Variants in TMOD4 observed in about 807,000 individuals in gnomAD.
The protein encoded by TMOD4 is tropomodulin-4.
In TMOD4, 34 loss-of-function variants were observed where a neutral mutation model predicts 45.4. The ratio of observed to expected loss-of-function variants is 0.75; its 90% CI spans 0.57 to 1.00. TMOD4 has a LOEUF of 1.00. Ranked by LOEUF, TMOD4 falls within the 50% of genes least tolerant of loss-of-function variation. TMOD4 has a pLI of 0.00. For missense variants in TMOD4, 399 were observed against 437.5 expected, an observed-to-expected ratio of 0.91 and a Z score of 0.78; for synonymous variants, 131 against 153.9, an observed-to-expected ratio of 0.85 and a Z score of 1.10.
In TMOD4 at chr1:151,174,503, CTTT is replaced by C; in HGVS notation, c.165_167del (p.Lys57del). ...GGTCCAGTGGCCCCGTTGGGCTCTTCTTTGTCTGGTCACGTTGTCTTAGTCCAG... is the reference window on the plus strand; with the variant it reads ...GGTCCAGTGGCCCCGTTGGGCTCTTCGTCTGGTCACGTTGTCTTAGTCCAG... On this transcript the variant is annotated inframe_deletion, in exon 3 of 10. Transcript: ENST00000295314. The C allele has an allele frequency of 6.2e-7, 1 of 1,614,214 alleles. No individual in the cohort carries two copies. The highest frequency in any genetic ancestry group is 2.2e-5 in the East Asian group (1 of 44,878).
chr1:151,174,458 G>C lies in TMOD4; in HGVS notation c.213C>G (p.Tyr71Ter). 1 of 1,614,184 alleles carries C rather than the reference G, an allele frequency of 6.2e-7. No individual in the cohort carries two copies. Among genetic ancestry groups the C allele is most frequent in the South Asian group, 1.1e-5 (1 of 91,082 alleles). ...GPLDREALLQ[Y>*]LEQQALEVKE... is the part of the protein sequence containing the mutation. The stretch of plus-strand genomic sequence containing the variant: ...TGACTTCTAGTGCCTGTTGCTCCAA[G>C]TACTGCAAAAGGGCCTCTCGGTCCA... The change falls in exon 3 of 10, where the codon TAC becomes TAG. Residue 71 changes from tyrosine (Y) to a stop codon, truncating the protein, a stop_gained. Coordinates refer to ENST00000295314, the MANE Select transcript of TMOD4 (RefSeq NM_013353.3). LOFTEE classifies it high-confidence loss of function.
Position 151,170,926 on chromosome 1 carries a change from G to A in TMOD4, c.864C>T (p.Asp288=), listed in dbSNP as rs1305570237. 1 of 1,614,056 alleles carries A rather than the reference G, an allele frequency of 6.2e-7. No individual in the cohort carries two copies. The highest frequency in any genetic ancestry group is 2.2e-5 in the East Asian group (1 of 44,878). The change falls in exon 8 of 10, where the codon GAC becomes GAT. Residue 288 remains aspartate, a synonymous_variant. Coordinates refer to ENST00000295314, the MANE Select transcript of TMOD4 (RefSeq NM_013353.3). ...AGGGGAAGGGAATGCTGACCTGATT[G>A]TCTACACGGAGCTCAGTGAGTGTGG... ...ENATLTELRV[D]NQRQWPGDAV... is the part of the protein sequence containing the mutation.
chr1:151,175,205 A>C, intron 1 of TMOD4: 2 of 276,892 alleles, frequency 7.2e-6, no homozygotes, highest in Non-Finnish European at 1.4e-5. Context: ...CTCCCCTATA[A>C]CCTCACTTGT....
chr1:151,173,258 G>A (rs1684011031), intron 4 of TMOD4, among the ~76,000 whole-genome samples: 1 of 152,110 alleles, frequency 6.6e-6, no homozygotes, highest in African/African-American at 2.4e-5. Flanking sequence ...GTGAGTCATG[G>A]TGCCTGGCCC....
Position 151,172,371 on chromosome 1 carries a change from G to C in TMOD4, c.398-14C>G, listed in dbSNP as rs191229725. 6 of 1,600,990 alleles carry C rather than the reference G, an allele frequency of 3.7e-6. No homozygotes were observed. Among genetic ancestry groups the C allele is most frequent in the Non-Finnish European group, 5.1e-6 (6 of 1,168,478 alleles). On this transcript the variant is annotated splice_polypyrimidine_tract_variant and intron_variant, in intron 4 of 9. Transcript: ENST00000295314. ...TGTCCAGAATTGCTGGAGAGGGTAA[G>C]AAGAGGAGTCACAGGGAATGAGAAG...
chr1:151,172,238 C>G lies in TMOD4; in HGVS notation c.487+30G>C, dbSNP rs371423832. 3.9e-6 allele frequency: 6 copies of G among 1,552,298 alleles called. No homozygotes were observed. In the African/African-American group the frequency reaches 6.8e-5, roughly 18 times the overall value. On this transcript the variant is annotated intron_variant, in intron 5 of 9. Coordinates refer to ENST00000295314, the MANE Select transcript of TMOD4 (RefSeq NM_013353.3). ...ACACTAGGACTGCCTGCCCAGAGCC[C>G]TGGGGACCATGCTCCCCAAACACAC...
At position 151,171,070 on chromosome 1, in the gene TMOD4, A is replaced by C; in HGVS notation, c.727-7T>G. The C allele has an allele frequency of 1.2e-6, 2 of 1,613,924 alleles. No individual in the cohort carries two copies. Among genetic ancestry groups the C allele is most frequent in the East Asian group, 4.5e-5 (2 of 44,886 alleles). The stretch of plus-strand genomic sequence containing the variant: ...GCAACATGTCAGCCACTGCCTGGGT[A>C]GTAGGGACTTGGGTTAGGATTAGGG... On this transcript the variant is annotated splice_polypyrimidine_tract_variant and splice_region_variant and intron_variant, in intron 7 of 9. Transcript: ENST00000295314.
In TMOD4 at chr1:151,171,730, G is replaced by T. The variant is rs201060059; in HGVS notation, c.521C>A (p.Pro174Gln). Residue 174 changes from proline (P) to glutamine (Q), a missense_variant, in exon 6 of 10, where the codon CCG (proline) becomes CAG (glutamine). By Grantham distance (76) the Pro-to-Gln change is moderately conservative. Coordinates refer to ENST00000295314, the MANE Select transcript of TMOD4 (RefSeq NM_013353.3). ...GTTTGTGGGATTTGGGGGTTCATCC[G>T]GCACTGGCTTATACTTGTCAGGCTG... ...VVQPDKYKPVPDEPPNPTNIE... is the reference protein window; with the variant it reads ...VVQPDKYKPVQDEPPNPTNIE... 5 of 1,613,906 alleles carry T rather than the reference G, an allele frequency of 3.1e-6. No homozygotes were observed. Among genetic ancestry groups the T allele is most frequent in the African/African-American group, 1.3e-5 (1 of 74,854 alleles).
Sources: gnomAD v4.1 joint callset for allele counts (sites outside exome capture counted in the v4.1 genomes callset) on GRCh38, gnomAD v4.1.1 for gene constraint, MANE v1.5 for transcripts, NCBI Gene and HGNC (gene_info 2026-07-23, HGNC 2026-07-21) for gene names.